Variants in SLC25A21 observed in about 807,000 individuals in gnomAD.
The protein encoded by SLC25A21 is mitochondrial 2-oxodicarboxylate carrier.
SLC25A21 carries 47 observed loss-of-function variants against 43.8 expected under a neutral mutation model. That is an observed-to-expected ratio of 1.07 (90% CI 0.85 to 1.37). The LOEUF is 1.37. SLC25A21 is among the 40% of genes most tolerant of loss of function. The pLI, the probability that SLC25A21 is intolerant of heterozygous loss-of-function variation, is 0.00. For missense variants in SLC25A21, 352 were observed against 350.2 expected (o/e 1.00, Z -0.04); for synonymous variants, 131 against 121.3 (o/e 1.08, Z -0.52).
chr14:36,748,793 A>T (rs962422716), intron 3 of SLC25A21, among the ~76,000 whole-genome samples: 1 of 152,148 alleles, frequency 6.6e-6, no homozygotes, highest in African/African-American at 2.4e-5. Flanking sequence ...CCTACTAACC[A>T]TCTCCACGTG....
intron 1 of SLC25A21, among the ~76,000 whole-genome samples, chr14:36,971,744 C>T (rs564067764): frequency 2.0e-5 from 3 of 152,232 alleles, no homozygotes; most frequent in African/African-American, 4.8e-5. Context: ...ACACGAACCT[C>T]GGGTATTTAC....
At chr14:36,904,571 C>T (rs74630202) in intron 1 of SLC25A21, among the ~76,000 whole-genome samples, 5,600 of 152,256 alleles carry the variant, frequency 0.037, 138 homozygotes, top group Middle Eastern at 0.082. Context: ...ATACACAAGA[C>T]TGGGTAATTT....
intron 3 of SLC25A21, among the ~76,000 whole-genome samples, chr14:36,805,569 C>T (rs1227764141): frequency 6.6e-6 from 1 of 152,148 alleles, no homozygotes; most frequent in African/African-American, 2.4e-5. Context: ...TGTGGCTTAG[C>T]AGTGGTACAG....
intron 1 of SLC25A21, among the ~76,000 whole-genome samples, chr14:37,093,371 T>C (rs1962625139): frequency 6.6e-6 from 1 of 152,230 alleles, no homozygotes; most frequent in South Asian, 2.1e-4. Context: ...TGGATTAGGA[T>C]AATGAATAGA....
intron 2 of SLC25A21, chr14:36,870,456 A>T (rs577767948): frequency 2.0e-4 from 30 of 152,282 alleles, no homozygotes; most frequent in African/African-American, 6.5e-4. Context: ...TAGCTGCAGA[A>T]TTCTAATCTC....
chr14:36,851,953 C>T (rs1021106239), intron 2 of SLC25A21, among the ~76,000 whole-genome samples: 1 of 152,056 alleles, frequency 6.6e-6, no homozygotes, highest in Non-Finnish European at 1.5e-5. Flanking sequence ...GAACATGGGA[C>T]TCTGGAAGGG....
At chr14:36,988,970 CA>C (rs1212147121) in intron 1 of SLC25A21, among the ~76,000 whole-genome samples, 3 of 152,138 alleles carry the variant, frequency 2.0e-5, no homozygotes, top group African/African-American at 7.2e-5. Context: ...GGTTTAGTAG[CA>C]AAAAGACAAA....
chr14:36,844,600 T>C (rs925240693), intron 2 of SLC25A21, among the ~76,000 whole-genome samples: 1 of 152,208 alleles, frequency 6.6e-6, no homozygotes, highest in Non-Finnish European at 1.5e-5. Flanking sequence ...CAGACTCAGA[T>C]GGAAGCCTTA....
intron 7 of SLC25A21, among the ~76,000 whole-genome samples, chr14:36,696,038 G>A (rs913502817): frequency 1.3e-5 from 2 of 152,302 alleles, no homozygotes; most frequent in South Asian, 2.1e-4. Flanking sequence ...GATATTGGCT[G>A]TGGGTTTGTC....
intron 1 of SLC25A21, among the ~76,000 whole-genome samples, chr14:37,029,862 T>TC (rs1961173013): frequency 6.6e-6 from 1 of 150,828 alleles, no homozygotes; most frequent in Admixed American, 6.6e-5. Context: ...CCTTCCAGGT[T>TC]CCAGTGATTC....
At chr14:36,970,507 A>C (rs552836681) in intron 1 of SLC25A21, among the ~76,000 whole-genome samples, 8 of 152,182 alleles carry the variant, frequency 5.3e-5, no homozygotes, top group Admixed American at 2.0e-4. Flanking sequence ...CTAATTATGA[A>C]CTAATATGAA....
chr14:36,855,569 C>G (rs1379404982), intron 2 of SLC25A21, among the ~76,000 whole-genome samples: 1 of 152,160 alleles, frequency 6.6e-6, no homozygotes, highest in Non-Finnish European at 1.5e-5. Context: ...GCATCAGCAT[C>G]ATCATATCCC....
chr14:37,103,566 T>C (rs1962857044), intron 1 of SLC25A21, among the ~76,000 whole-genome samples: 1 of 152,260 alleles, frequency 6.6e-6, no homozygotes, highest in African/African-American at 2.4e-5. Context: ...ATTAAGTAAC[T>C]TGCCTAACAT....
At chr14:36,979,790 A>T (rs1959977571) in intron 1 of SLC25A21, among the ~76,000 whole-genome samples, 1 of 152,216 alleles carries the variant, frequency 6.6e-6, no homozygotes, top group Non-Finnish European at 1.5e-5. Flanking sequence ...GTGTAAATTA[A>T]TCATGGTGTT....
chr14:36,769,370 G>C (rs17105268), intron 3 of SLC25A21, among the ~76,000 whole-genome samples: 1 of 152,084 alleles, frequency 6.6e-6, no homozygotes, highest in African/African-American at 2.4e-5. Flanking sequence ...ACTTGTTCTT[G>C]AAAGAGTTGT....
chr14:37,005,490 T>C (rs1960582498), intron 1 of SLC25A21, among the ~76,000 whole-genome samples: 1 of 152,224 alleles, frequency 6.6e-6, no homozygotes, highest in Non-Finnish European at 1.5e-5. Context: ...AATTTTTTTC[T>C]TTTTTAGAAA....
Position 36,814,010 on chromosome 14 carries a change from A to G in SLC25A21, c.120-9T>C. On this transcript the variant is annotated splice_polypyrimidine_tract_variant and intron_variant, in intron 2 of 9. Transcript: ENST00000331299. ...ATCTCTGAATCTGAAACCTAGAAGC[A>G]AAATCAAACCAAAAATTCTAAGTTA... 5 of 1,590,260 alleles carry G rather than the reference A, an allele frequency of 3.1e-6. No individual in the cohort carries two copies. Among genetic ancestry groups the G allele is most frequent in the Non-Finnish European group, 3.4e-6 (4 of 1,171,072 alleles).
intron 1 of SLC25A21, among the ~76,000 whole-genome samples, chr14:37,048,532 T>G (rs543220336): frequency 6.6e-6 from 1 of 152,152 alleles, no homozygotes; most frequent in Non-Finnish European, 1.5e-5. Flanking sequence ...CCACCTAAAT[T>G]GACCTACATT....
chr14:36,826,248 T>C (rs145626723), intron 2 of SLC25A21, among the ~76,000 whole-genome samples: 9 of 152,336 alleles, frequency 5.9e-5, no homozygotes, highest in Non-Finnish European at 1.0e-4. Flanking sequence ...TGTAGCATTT[T>C]TGGGGTCAGT....
Sources: gnomAD v4.1 joint callset for allele counts (sites outside exome capture counted in the v4.1 genomes callset) on GRCh38, gnomAD v4.1.1 for gene constraint, MANE v1.5 for transcripts, NCBI Gene and HGNC (gene_info 2026-07-23, HGNC 2026-07-21) for gene names.